The following PAPPA variants were observed in gnomAD, a reference collection of about 807,000 sequenced individuals.
PAPPA encodes the protein pappalysin 1, also known as pappalysin-1.
In PAPPA, 60 loss-of-function variants were observed where a neutral mutation model predicts 164.0. That is an observed-to-expected ratio of 0.37 (90% CI 0.30 to 0.45). PAPPA has a LOEUF of 0.45. PAPPA is among the 20% of genes least tolerant of loss of function. The pLI is 1.00. For missense variants in PAPPA, 1,782 were observed against 2,087.3 expected (o/e 0.85, Z 2.85); for synonymous variants, 875 against 814.1 (o/e 1.07, Z -1.27).
chr9:116,168,277 G>A (rs1843737714), intron 1 of PAPPA, among the ~76,000 whole-genome samples: 1 of 152,080 alleles, frequency 6.6e-6, no homozygotes, highest in South Asian at 2.1e-4. Flanking sequence ...TTCATATGTA[G>A]TTATTCAGCA....
At chr9:116,166,656 C>T (rs1017934383) in intron 1 of PAPPA, among the ~76,000 whole-genome samples, 1 of 152,190 alleles carries the variant, frequency 6.6e-6, no homozygotes, top group East Asian at 1.9e-4. Flanking sequence ...TTATAATAAG[C>T]ACTTACTATG....
intron 2 of PAPPA, among the ~76,000 whole-genome samples, chr9:116,193,956 A>G (rs1285571571): frequency 6.6e-6 from 1 of 152,222 alleles, no homozygotes; most frequent in African/African-American, 2.4e-5. Flanking sequence ...GGCTTTTAGC[A>G]TAAGCAGGCT....
chr9:116,227,138 A>G (rs955345092), intron 5 of PAPPA, among the ~76,000 whole-genome samples: 8 of 152,212 alleles, frequency 5.3e-5, no homozygotes, highest in African/African-American at 1.9e-4. Context: ...TGATAAAATT[A>G]AAATTATTGC....
chr9:116,235,553 C>A lies in PAPPA; in HGVS notation c.2648C>A (p.Pro883His), dbSNP rs140550281. ...ACCCCACTCTGTCTACAGTGTAAGC[C>A]CCTGAAGTATAAGGTGGTCCGGGAC... ...ADTPLCLQCK[P>H]LKYKVVRDPP... Residue 883 changes from proline (P) to histidine (H), a missense_variant, in exon 7 of 22, where the codon CCC (proline) becomes CAC (histidine). This residue lies in a region of PAPPA where 1,324 missense variants were observed against 1,656.9 expected (regional missense o/e 0.80). Transcript: ENST00000328252. 6.2e-7 allele frequency: 1 copy of A among 1,613,548 alleles called. No individual in the cohort carries two copies. The highest frequency in any genetic ancestry group is 2.2e-5 in the East Asian group (1 of 44,890).
intron 1 of PAPPA, among the ~76,000 whole-genome samples, chr9:116,169,670 G>A (rs1351130729): frequency 6.6e-6 from 1 of 151,472 alleles, no homozygotes; most frequent in Non-Finnish European, 1.5e-5. Flanking sequence ...GGAATTGTAA[G>A]GGATGTGTCC....
chr9:116,173,424 T>C (rs892555521), intron 1 of PAPPA, among the ~76,000 whole-genome samples: 25 of 152,166 alleles, frequency 1.6e-4, no homozygotes, highest in African/African-American at 5.8e-4. Context: ...GCTCTGTGAC[T>C]GTCAAAAGGA....
At chr9:116,191,510 C>T (rs1281990433) in intron 2 of PAPPA, among the ~76,000 whole-genome samples, 1 of 152,188 alleles carries the variant, frequency 6.6e-6, no homozygotes, top group East Asian at 1.9e-4. Context: ...CCTTTCTGCT[C>T]TTCACTGGGG....
In PAPPA at chr9:116,271,888, C is replaced by T. The variant is rs534561194; in HGVS notation, c.2953+472C>T. Among the ~76,000 whole-genome samples the T allele has an allele frequency of 2.7e-4, 41 of 152,200 alleles. No individual in the cohort carries two copies. The highest frequency in any genetic ancestry group is 4.6e-4 in the Admixed American group (7 of 15,282). On this transcript the variant is annotated intron_variant, in intron 9 of 21. Transcript: ENST00000328252. This position sits in a 1 kb window ranked among gnomAD's most constrained non-coding sequence, Gnocchi z 4.2. ...CCTGATTTTGTCTGATTCTCAAGCA[C>T]GTGCTCAACTCATTTTGCTTTGCAA...
At chr9:116,295,730 G>A (rs948780000) in intron 9 of PAPPA, among the ~76,000 whole-genome samples, 2 of 152,060 alleles carry the variant, frequency 1.3e-5, no homozygotes, top group African/African-American at 4.8e-5. Flanking sequence ...ATTGGTCAAA[G>A]TTTATCCTTT....
chr9:116,227,284 T>C, intron 5 of PAPPA, 147 bp from the exon 6 acceptor site: 1 of 832,850 alleles, frequency 1.2e-6, no homozygotes, highest in Non-Finnish European at 1.9e-6. Flanking sequence ...TACGGTTATT[T>C]CCAGAAGCCT....
intron 15 of PAPPA, among the ~76,000 whole-genome samples, chr9:116,348,374 G>C (rs1846238927): frequency 6.6e-6 from 1 of 151,602 alleles, no homozygotes; most frequent in South Asian, 2.1e-4. Flanking sequence ...CTCAAGCCAG[G>C]GGGTAAAGAG....
At chr9:116,221,547 TAAA>T (rs1372103054) in intron 5 of PAPPA, among the ~76,000 whole-genome samples, 2 of 152,112 alleles carry the variant, frequency 1.3e-5, no homozygotes, top group Non-Finnish European at 2.9e-5. Flanking sequence ...ATCTGCTAGA[TAAA>T]AAGAGAATTG....
intron 9 of PAPPA, among the ~76,000 whole-genome samples, chr9:116,302,395 C>T (rs1845590152): frequency 6.6e-6 from 1 of 152,142 alleles, no homozygotes; most frequent in Admixed American, 6.5e-5. Flanking sequence ...CCTCCTCCCC[C>T]GAGATCCTGG....
intron 6 of PAPPA, among the ~76,000 whole-genome samples, chr9:116,230,188 T>G (rs185558372): frequency 1.3e-5 from 2 of 152,312 alleles, no homozygotes; most frequent in East Asian, 1.9e-4. Context: ...CTGTTCTTTT[T>G]TTAGAGCATC....
In PAPPA at chr9:116,386,582, G is replaced by A. The variant is rs12351730; in HGVS notation, c.4776+4089G>A. Reference sequence around the variant, plus strand: ...CAAGTTCACTTGGCAAATGAGTGGGGAAGCCCAAGTTTGAACCCAGTTCTA... The same window carrying A: ...CAAGTTCACTTGGCAAATGAGTGGGAAAGCCCAAGTTTGAACCCAGTTCTA... On this transcript the variant is annotated intron_variant, in intron 21 of 21. Transcript: ENST00000328252. 6.7e-3 allele frequency among the ~76,000 whole-genome samples: 1,019 copies of A among 152,266 alleles called. 7 individuals carry two copies. Among genetic ancestry groups the A allele is most frequent in the African/African-American group, 0.018 (760 of 41,564 alleles).
intron 9 of PAPPA, among the ~76,000 whole-genome samples, chr9:116,273,902 C>G (rs1375712111): frequency 6.6e-6 from 1 of 152,150 alleles, no homozygotes; most frequent in East Asian, 1.9e-4. Flanking sequence ...TTGCTTAATA[C>G]TTCTTATATA....
intron 5 of PAPPA, among the ~76,000 whole-genome samples, chr9:116,226,972 T>C (rs895484520): frequency 5.3e-5 from 8 of 152,224 alleles, no homozygotes; most frequent in African/African-American, 1.9e-4. Flanking sequence ...GAAGGAACCA[T>C]GCCATCTTCA....
At chr9:116,328,484 G>T (rs1206551173) in intron 10 of PAPPA, among the ~76,000 whole-genome samples, 1 of 152,176 alleles carries the variant, frequency 6.6e-6, no homozygotes, top group Non-Finnish European at 1.5e-5. Flanking sequence ...TGGGATAGGA[G>T]ATTCATGGCA....
chr9:116,397,008 A>T lies in PAPPA; in HGVS notation c.*392A>T, dbSNP rs1846973773. 5.7e-6 allele frequency: 1 copy of T among 175,472 alleles called. No individual in the cohort carries two copies. The highest frequency in any genetic ancestry group is 1.2e-5 in the Non-Finnish European group (1 of 83,340). 10.9% of individuals were successfully genotyped at this position (175,472 alleles called of 1,614,324 possible). ...CATCTGTGTGAGGGCAGTTCTGGAG[A>T]TGAGCAGAGAGAGACCGGAATAAAC... On this transcript the variant is annotated 3_prime_UTR_variant, in exon 22 of 22. Coordinates refer to ENST00000328252, the MANE Select transcript of PAPPA (RefSeq NM_002581.5).
Sources: gnomAD v4.1 joint callset for allele counts (sites outside exome capture counted in the v4.1 genomes callset) on GRCh38, gnomAD v4.1.1 for gene constraint, gnomAD v4.1.1 regional missense constraint, Gnocchi (gnomAD v3.1) non-coding constraint, MANE v1.5 for transcripts, NCBI Gene and HGNC (gene_info 2026-07-23, HGNC 2026-07-21) for gene names.